The following NIBAN1 variants were observed in gnomAD, a reference collection of about 807,000 sequenced individuals.
NIBAN1 encodes niban apoptosis regulator 1, also known as protein Niban 1.
Under a neutral mutation model 75.1 loss-of-function variants are expected in NIBAN1, and 81 were observed. That is an observed-to-expected ratio of 1.08 (90% confidence interval 0.90 to 1.30). The LOEUF (loss-of-function observed/expected upper bound fraction) is 1.30, where lower values mean the gene tolerates loss of function less well. NIBAN1 is among the 50% of genes most tolerant of loss of function. NIBAN1 has a pLI of 0.00. For missense variants in NIBAN1, 1,133 were observed against 1,128.1 expected, an observed-to-expected ratio of 1.00 and a Z score of -0.06; for synonymous variants, 436 against 424.8, an observed-to-expected ratio of 1.03 and a Z score of -0.32.
chr1:184,809,972 A>T (rs1450334036), intron 9 of NIBAN1, among the ~76,000 whole-genome samples: 1 of 152,134 alleles, frequency 6.6e-6, no homozygotes, highest in African/African-American at 2.4e-5. Context: ...CTAGATAAGA[A>T]TGGGGAAAAT....
intron 11 of NIBAN1, 151 bp from the exon 12 acceptor site, chr1:184,803,843 A>G (rs369625859): frequency 1.2e-5 from 8 of 646,074 alleles, no homozygotes; most frequent in South Asian, 5.5e-5. Flanking sequence ...TTTCCATGTA[A>G]TTCCCTCACA....
At chr1:184,974,178 G>T (rs886118155) in intron 1 of NIBAN1, 124 bp downstream of exon 1, 4 of 1,009,852 alleles carry the variant, frequency 4.0e-6, no homozygotes, top group South Asian at 2.9e-5. Flanking sequence ...GGCGGGCTGC[G>T]GTCGGGGATC....
intron 1 of NIBAN1, among the ~76,000 whole-genome samples, chr1:184,936,004 C>T (rs1657948773): frequency 6.8e-6 from 1 of 146,116 alleles, no homozygotes; most frequent in African/African-American, 2.5e-5. Context: ...CTAACCCAAC[C>T]TATTTTTGTG....
Position 184,822,740 on chromosome 1 carries a change from A to C in NIBAN1, c.985+427T>G, listed in dbSNP as rs1571492852. On this transcript the variant is annotated intron_variant, in intron 8 of 13. Coordinates refer to ENST00000367511, the MANE Select transcript of NIBAN1 (RefSeq NM_052966.4). ...ATGTTAGAGGAAAATCCATATATTA[A>C]TTGATTTGAATATTTGCTGAGTCTG... Among the ~76,000 whole-genome samples the C allele has an allele frequency of 2.0e-5, 3 of 152,312 alleles. No individual in the cohort carries two copies. The South Asian group carries it at 6.2e-4, about 32-fold the overall frequency.
intron 6 of NIBAN1, among the ~76,000 whole-genome samples, chr1:184,825,198 A>T (rs1029999041): frequency 1.3e-5 from 2 of 152,246 alleles, no homozygotes; most frequent in African/African-American, 4.8e-5. Flanking sequence ...AGATTGGCTC[A>T]TGAAAAGTTG....
intron 1 of NIBAN1, among the ~76,000 whole-genome samples, chr1:184,908,048 G>A (rs1473028949): frequency 6.6e-6 from 1 of 152,170 alleles, no homozygotes; most frequent in African/African-American, 2.4e-5. Context: ...GCAACTGGAT[G>A]GAAAGAAGGC....
chr1:184,830,744 A>G (rs941388905), intron 6 of NIBAN1, among the ~76,000 whole-genome samples: 6 of 152,014 alleles, frequency 3.9e-5, no homozygotes, highest in African/African-American at 1.4e-4. Flanking sequence ...GCTCATGCCT[A>G]TAATCCCAGC....
rs539116450 is a variant in NIBAN1, at chr1:184,933,963, G to A, written c.56-34654C>T. 2.2e-3 allele frequency among the ~76,000 whole-genome samples: 335 copies of A among 152,262 alleles called. 1 individual carries two copies. The highest frequency in any genetic ancestry group is 7.5e-3 in the African/African-American group (310 of 41,548). The stretch of plus-strand genomic sequence containing the variant: ...ACATTGTGTGAAGCAGGAACATACC[G>A]AACCTTTACTGGAAGTTGGAAGAGG... On this transcript the variant is annotated intron_variant, in intron 1 of 13. Coordinates refer to ENST00000367511, the MANE Select transcript of NIBAN1 (RefSeq NM_052966.4).
intron 6 of NIBAN1, 32 bp downstream of exon 6, chr1:184,831,815 G>C: frequency 6.6e-7 from 1 of 1,523,414 alleles, no homozygotes; most frequent in East Asian, 2.2e-5. Context: ...CCCAAACACA[G>C]AGAGAATCCA....
At chr1:184,845,720 A>G (rs1655421786) in intron 5 of NIBAN1, among the ~76,000 whole-genome samples, 1 of 76,700 alleles carries the variant, frequency 1.3e-5, no homozygotes, top group Admixed American at 1.4e-4. Flanking sequence ...TACCGGGTTC[A>G]TCTCACTAGG....
chr1:184,897,041 T>C (rs925189921), intron 2 of NIBAN1, among the ~76,000 whole-genome samples: 43 of 152,178 alleles, frequency 2.8e-4, no homozygotes, highest in African/African-American at 1.0e-3. Context: ...ATTTGTTCCC[T>C]ATGAACTTTA....
intron 1 of NIBAN1, among the ~76,000 whole-genome samples, chr1:184,951,674 T>C (rs927949647): frequency 2.0e-5 from 3 of 152,196 alleles, no homozygotes; most frequent in African/African-American, 7.2e-5. Context: ...AGCTTCTTCC[T>C]GTTTGGCTTG....
chr1:184,958,406 A>G (rs1658545588), intron 1 of NIBAN1, among the ~76,000 whole-genome samples: 1 of 151,754 alleles, frequency 6.6e-6, no homozygotes, highest in African/African-American at 2.4e-5. Context: ...ACACACAAAT[A>G]GCCAAATAAT....
chr1:184,898,735 G>A (rs1246200691), intron 2 of NIBAN1, among the ~76,000 whole-genome samples: 1 of 152,204 alleles, frequency 6.6e-6, no homozygotes, highest in Non-Finnish European at 1.5e-5. Context: ...GGAAGGCAGA[G>A]AACTTGTCTT....
At chr1:184,820,462 T>C (rs1654664715) in intron 8 of NIBAN1, among the ~76,000 whole-genome samples, 1 of 152,214 alleles carries the variant, frequency 6.6e-6, no homozygotes, top group South Asian at 2.1e-4. Flanking sequence ...CTCATAAACA[T>C]CCTACTCCTC....
chr1:184,907,249 T>C (rs1657130032), intron 1 of NIBAN1, among the ~76,000 whole-genome samples: 1 of 152,122 alleles, frequency 6.6e-6, no homozygotes, highest in South Asian at 2.1e-4. Flanking sequence ...TTTCAGATAT[T>C]GCATTTTTAC....
chr1:184,894,300 G>T, intron 2 of NIBAN1, 94 bp from the exon 3 acceptor site: 7 of 1,313,420 alleles, frequency 5.3e-6, no homozygotes, highest in Non-Finnish European at 7.0e-6. Context: ...AATAGTTTAG[G>T]AAACTATCTT....
At chr1:184,813,573 A>G (rs1182440510) in intron 9 of NIBAN1, among the ~76,000 whole-genome samples, 1 of 152,254 alleles carries the variant, frequency 6.6e-6, no homozygotes, top group Non-Finnish European at 1.5e-5. Context: ...ATTTTATATA[A>G]GAGAGGATGT....
intron 1 of NIBAN1, among the ~76,000 whole-genome samples, chr1:184,937,145 C>CT (rs138240427): frequency 0.36 from 33,316 of 92,356 alleles, 7,087 homozygotes; most frequent in South Asian, 0.47. Context: ...TAGCTGGATT[C>CT]TTTTTTTTTT....
Sources: gnomAD v4.1 joint callset for allele counts (sites outside exome capture counted in the v4.1 genomes callset) on GRCh38, gnomAD v4.1.1 for gene constraint, MANE v1.5 for transcripts, NCBI Gene and HGNC (gene_info 2026-07-23, HGNC 2026-07-21) for gene names.